PSMD3: variants seen among roughly 807,000 people sequenced by gnomAD.
PSMD3 encodes the protein proteasome 26S subunit, non-ATPase 3, also known as 26S proteasome non-ATPase regulatory subunit 3.
PSMD3 carries 5 observed loss-of-function variants against 62.8 expected under a neutral mutation model. The observed-to-expected ratio is 0.08, with a 90% CI of 0.04 to 0.17. PSMD3 has a LOEUF of 0.17. PSMD3 is among the 10% of genes least tolerant of loss of function. PSMD3 has a pLI of 1.00. For missense variants in PSMD3, 524 were observed against 713.6 expected (o/e 0.73, Z 3.03); for synonymous variants, 265 against 283.9 (o/e 0.93, Z 0.67).
At chr17:39,992,900 G>A (rs117223002) in intron 6 of PSMD3, 6 of 152,560 alleles carry the variant, frequency 3.9e-5, no homozygotes, top group African/African-American at 7.2e-5. Flanking sequence ...CTTCTCTGTC[G>A]ATAGTAAAAC....
intron 10 of PSMD3, 56 bp from the exon 11 acceptor site, chr17:39,997,274 T>C (rs561266989): frequency 6.4e-7 from 1 of 1,568,460 alleles, no homozygotes; most frequent in East Asian, 2.2e-5. Flanking sequence ...GCAGGTTGCG[T>C]GAGTGCCTCA....
intron 6 of PSMD3, chr17:39,993,333 A>C (rs1980704106): frequency 6.6e-6 from 1 of 152,174 alleles, no homozygotes; most frequent in South Asian, 2.1e-4. Context: ...ACTGGGGTTT[A>C]GGTCTCTAAC....
chr17:39,996,283 T>C lies in PSMD3; in HGVS notation c.1421T>C (p.Leu474Pro), dbSNP rs1247181133. ...ATCTATTCCACCCGAGAGCCCCAGC[T>C]AGCCTTCCACCAGCGCATCTCCTTC... ...IDIYSTREPQ[L>P]AFHQRISFCL... The change falls in exon 10 of 12, where the codon CTA becomes CCA. Residue 474 changes from leucine (L) to proline (P), a missense_variant. Physicochemically the swap from Leu to Pro is moderately conservative, Grantham distance 98. Coordinates refer to ENST00000264639, the MANE Select transcript of PSMD3 (RefSeq NM_002809.4). The surrounding 1 kb of genome is among the most constrained non-coding windows in gnomAD (Gnocchi z 5.1). The C allele has an allele frequency of 1.2e-6, 2 of 1,613,970 alleles. No individual in the cohort carries two copies. The highest frequency in any genetic ancestry group is 8.5e-7 in the Non-Finnish European group (1 of 1,179,972).
At chr17:39,990,286 CT>C in intron 6 of PSMD3, 89 bp downstream of exon 6, 6 of 1,197,096 alleles carry the variant, frequency 5.0e-6, no homozygotes, top group Non-Finnish European at 7.0e-6. Context: ...TGGTCTTGAA[CT>C]CCTGGGTTCA....
At chr17:39,981,390 C>G (rs1357448509) in intron 1 of PSMD3, among the ~76,000 whole-genome samples, 200 bp downstream of exon 1, 1 of 152,202 alleles carries the variant, frequency 6.6e-6, no homozygotes, top group Non-Finnish European at 1.5e-5. Flanking sequence ...GGAACCACTC[C>G]CCTCCCATCC....
rs1400664874 is a variant in PSMD3 at position 39,995,395 on chromosome 17, G to A, written c.1217-29G>A. ...CAAGTGAAGGGTCTGTGTCCACTCT[G>A]CCCACCCCATCGCTCCTTCCTCTCC... On this transcript the variant is annotated intron_variant, in intron 8 of 11. Transcript: ENST00000264639. The surrounding 1 kb of genome is among the most constrained non-coding windows in gnomAD (Gnocchi z 4.1). 1.2e-6 allele frequency: 2 copies of A among 1,612,154 alleles called. No homozygotes were observed. Among genetic ancestry groups the A allele is most frequent in the Non-Finnish European group, 8.5e-7 (1 of 1,178,446 alleles).
chr17:39,996,239 A>G lies in PSMD3; in HGVS notation c.1377A>G (p.Gln459=), dbSNP rs775699291. 10 of 1,613,932 alleles carry G rather than the reference A, an allele frequency of 6.2e-6. No homozygotes were observed. Among genetic ancestry groups the G allele is most frequent in the East Asian group, 2.2e-5 (1 of 44,900 alleles). Residue 459 remains glutamine (Q), a synonymous_variant, in exon 10 of 12, where the codon CAA becomes CAG. Transcript: ENST00000264639. This position sits in a 1 kb window ranked among gnomAD's most constrained non-coding sequence, Gnocchi z 5.1. The part of the protein sequence containing the change: ...ASINHEKGYV[Q]SKEMIDIYST... ...TCAACCACGAGAAGGGCTATGTCCAATCCAAGGAGATGATTGACATCTATT... is the reference window on the plus strand; with the variant it reads ...TCAACCACGAGAAGGGCTATGTCCAGTCCAAGGAGATGATTGACATCTATT...
chr17:39,986,640 C>T lies in PSMD3; in HGVS notation c.477C>T (p.Leu159=). 4 of 1,614,180 alleles carry T rather than the reference C, an allele frequency of 2.5e-6. No individual in the cohort carries two copies. Among genetic ancestry groups the T allele is most frequent in the Non-Finnish European group, 3.4e-6 (4 of 1,180,030 alleles). The change falls in exon 3 of 12, where the codon CTC becomes CTT. Residue 159 remains leucine, a synonymous_variant. Coordinates refer to ENST00000264639, the MANE Select transcript of PSMD3 (RefSeq NM_002809.4). ...PRTGKAASTP[L]LPEVEAYLQL... is the part of the protein sequence containing the mutation. ...CGGGAAAAGCTGCGTCGACACCCCT[C>T]CTGCCTGAAGTGGAAGCCTATCTCC...
Position 39,986,719 on chromosome 17 carries a change from A to C in PSMD3, c.549+7A>C, listed in dbSNP as rs377608878. The C allele has an allele frequency of 5.2e-4, 838 of 1,613,972 alleles. No homozygotes were observed. Among genetic ancestry groups the C allele is most frequent in the Non-Finnish European group, 6.4e-4 (761 of 1,179,984 alleles). ...CAGCAAGCGCTACAAAGAGGTATCC[A>C]GGATGCAGTGAGAGCGATTCATAAG... On this transcript the variant is annotated splice_region_variant and intron_variant, in intron 3 of 11. Transcript: ENST00000264639.
intron 2 of PSMD3, among the ~76,000 whole-genome samples, chr17:39,985,414 GGT>G: frequency 6.6e-6 from 1 of 152,206 alleles, no homozygotes; most frequent in Non-Finnish European, 1.5e-5. Flanking sequence ...AGCAGTGCCT[GGT>G]ACGTAGTGAA....
intron 1 of PSMD3, among the ~76,000 whole-genome samples, chr17:39,983,968 G>A (rs1436210467): frequency 6.6e-6 from 1 of 152,102 alleles, no homozygotes; most frequent in East Asian, 1.9e-4. Flanking sequence ...GGGAGGCCAA[G>A]GCGGGCAGAT....
rs2241244 is a variant in PSMD3 at position 39,997,301 on chromosome 17, G to C, written c.1477-29G>C. On this transcript the variant is annotated intron_variant, in intron 10 of 11. Transcript: ENST00000264639. ...AGTGCCTCACCTGCTTCCTTCCCTC[G>C]CTCATCTCCTCTCTTTGCTGTGCCC... 872,001 of 1,609,662 alleles carry C rather than the reference G, an allele frequency of 0.54. 238,390 individuals are homozygous for C. The highest frequency in any genetic ancestry group is 0.69 in the Middle Eastern group (4,197 of 6,052).
chr17:39,987,444 T>C (rs530857423), intron 3 of PSMD3, among the ~76,000 whole-genome samples: 1 of 152,316 alleles, frequency 6.6e-6, no homozygotes, highest in South Asian at 2.1e-4. Flanking sequence ...CCTCCCCGGC[T>C]TAAGTGATCC....
chr17:39,990,245 TTTA>T, intron 6 of PSMD3, 48 bp downstream of exon 6: 3 of 1,473,518 alleles, frequency 2.0e-6, no homozygotes, highest in East Asian at 2.4e-5. Context: ...TTTTTTTTTT[TTTA>T]AATGGTGTCT....
At chr17:39,994,720 C>A in intron 6 of PSMD3, 1 of 549,538 alleles carries the variant, frequency 1.8e-6, no homozygotes, top group Non-Finnish European at 3.3e-6. Flanking sequence ...ATGCAGCTGA[C>A]GGCTCTGCGA....
chr17:39,984,710 T>C (rs879436643), intron 2 of PSMD3, among the ~76,000 whole-genome samples: 4 of 152,178 alleles, frequency 2.6e-5, no homozygotes, highest in Non-Finnish European at 5.9e-5. Flanking sequence ...GCCAAACTCA[T>C]TTCCCACTAC....
Position 39,988,772 on chromosome 17 carries a change from T to C in PSMD3, c.639T>C (p.Tyr213=). The C allele has an allele frequency of 1.2e-6, 2 of 1,614,140 alleles. No individual in the cohort carries two copies. The highest frequency in any genetic ancestry group is 1.1e-5 in the South Asian group (1 of 91,080). The part of the protein sequence containing the change: ...LDLVAAKCYY[Y]HARVYEFLDK... The stretch of plus-strand genomic sequence containing the variant: ...TTGTAGCCGCAAAGTGTTACTATTA[T>C]CACGCCCGGGTCTATGAGTTCCTGG... Residue 213 remains tyrosine (Y), a synonymous_variant, in exon 4 of 12, where the codon TAT becomes TAC. Transcript: ENST00000264639.
intron 6 of PSMD3, among the ~76,000 whole-genome samples, chr17:39,992,411 A>G (rs1231943610): frequency 6.6e-6 from 1 of 152,134 alleles, no homozygotes; most frequent in African/African-American, 2.4e-5. Context: ...GTCACCACCC[A>G]GCTTACAGAA....
At chr17:39,982,354 G>A (rs1475040926) in intron 1 of PSMD3, among the ~76,000 whole-genome samples, 1 of 152,206 alleles carries the variant, frequency 6.6e-6, no homozygotes, top group Non-Finnish European at 1.5e-5. Flanking sequence ...TGGAATGTAT[G>A]AGAAGTTAAA....
Sources: gnomAD v4.1 joint callset for allele counts (sites outside exome capture counted in the v4.1 genomes callset) on GRCh38, gnomAD v4.1.1 for gene constraint, Gnocchi (gnomAD v3.1) non-coding constraint, MANE v1.5 for transcripts, NCBI Gene and HGNC (gene_info 2026-07-23, HGNC 2026-07-21) for gene names.